Variants in TCF12 observed in about 807,000 individuals in gnomAD.
TCF12 encodes DNA-binding protein HTF4.
In TCF12, 45 loss-of-function variants were observed where a neutral mutation model predicts 86.0. That is an observed-to-expected ratio of 0.52 (90% confidence interval 0.41 to 0.67). TCF12 has a LOEUF of 0.67. Ranked by LOEUF, TCF12 falls within the 30% of genes least tolerant of loss-of-function variation. The pLI is 0.00. For missense variants in TCF12, 881 were observed against 859.9 expected, an observed-to-expected ratio of 1.02 and a Z score of -0.31; for synonymous variants, 330 against 299.6, an observed-to-expected ratio of 1.10 and a Z score of -1.05.
At chr15:56,954,174 G>A (rs2061403624) in intron 3 of TCF12, among the ~76,000 whole-genome samples, 1 of 151,874 alleles carries the variant, frequency 6.6e-6, no homozygotes, top group Admixed American at 6.6e-5. Context: ...GGGTTATTTA[G>A]AAGTGTGTTA....
chr15:56,919,800 C>T (rs114409025), intron 1 of TCF12, 92 bp from the exon 2 acceptor site: 2 of 1,166,270 alleles, frequency 1.7e-6, no homozygotes, highest in African/African-American at 1.5e-5. Flanking sequence ...GCCCCCAGCG[C>T]TCTTGCGTAA....
chr15:57,140,125 C>T (rs1451004908), intron 5 of TCF12, among the ~76,000 whole-genome samples: 1 of 152,108 alleles, frequency 6.6e-6, no homozygotes, highest in Non-Finnish European at 1.5e-5. Context: ...CAGCATTATT[C>T]CCAGTTAACC....
chr15:57,047,836 G>C (rs537536583), intron 3 of TCF12, among the ~76,000 whole-genome samples: 1 of 152,294 alleles, frequency 6.6e-6, no homozygotes, highest in East Asian at 1.9e-4. Flanking sequence ...ATCATAAAGA[G>C]TACAGTGCCT....
At chr15:57,017,630 A>C (rs184964707) in intron 3 of TCF12, among the ~76,000 whole-genome samples, 12 of 152,218 alleles carry the variant, frequency 7.9e-5, no homozygotes, top group African/African-American at 2.9e-4. Context: ...TAGGCATACA[A>C]AGATGTTCAG....
At chr15:56,961,638 A>G (rs1476544322) in intron 3 of TCF12, among the ~76,000 whole-genome samples, 2 of 152,232 alleles carry the variant, frequency 1.3e-5, no homozygotes, top group African/African-American at 4.8e-5. Context: ...CTCATGTTTC[A>G]AACTGCTGGT....
intron 3 of TCF12, among the ~76,000 whole-genome samples, chr15:56,938,750 T>G (rs2060597172): frequency 6.6e-6 from 1 of 151,878 alleles, no homozygotes; most frequent in Non-Finnish European, 1.5e-5. Context: ...TAAACTAACT[T>G]TCAAAGGCCC....
At chr15:57,199,930 G>A (rs2057451907) in intron 8 of TCF12, among the ~76,000 whole-genome samples, 1 of 151,954 alleles carries the variant, frequency 6.6e-6, no homozygotes, top group South Asian at 2.1e-4. Context: ...CACACAGGCT[G>A]GAGTGCAGTG....
chr15:57,041,844 C>T (rs1438508165), intron 3 of TCF12, among the ~76,000 whole-genome samples: 1 of 152,112 alleles, frequency 6.6e-6, no homozygotes, highest in African/African-American at 2.4e-5. Flanking sequence ...TTGTTAAAAT[C>T]CATTTGTTTA....
chr15:57,265,685 A>G (rs1366160703), intron 18 of TCF12, among the ~76,000 whole-genome samples: 7 of 152,220 alleles, frequency 4.6e-5, no homozygotes, highest in South Asian at 2.1e-4. Context: ...CAATTAACCT[A>G]TGATAAAACT....
At chr15:57,128,988 G>C (rs1280361490) in intron 5 of TCF12, among the ~76,000 whole-genome samples, 3 of 152,148 alleles carry the variant, frequency 2.0e-5, no homozygotes, top group Admixed American at 2.0e-4. Flanking sequence ...TAATATTGCT[G>C]TGTATTTGCT....
chr15:57,229,825 A>G (rs551114082), intron 8 of TCF12, among the ~76,000 whole-genome samples: 1 of 152,064 alleles, frequency 6.6e-6, no homozygotes, highest in Non-Finnish European at 1.5e-5. Context: ...ACCATTTTAC[A>G]AAAGAGGGAA....
At chr15:57,063,445 T>G (rs2068612611) in intron 3 of TCF12, among the ~76,000 whole-genome samples, 1 of 152,210 alleles carries the variant, frequency 6.6e-6, no homozygotes, top group African/African-American at 2.4e-5. Context: ...CATCTACTCC[T>G]AGAAGTAGCA....
chr15:57,132,689 A>G (rs1181919247), intron 5 of TCF12, among the ~76,000 whole-genome samples: 1 of 151,994 alleles, frequency 6.6e-6, no homozygotes, highest in Non-Finnish European at 1.5e-5. Context: ...AATGAAACCT[A>G]TTTTTCCTGA....
At position 57,098,983 on chromosome 15, in the gene TCF12, T is replaced by C. The variant is rs191504440; in HGVS notation, c.325+7092T>C. On this transcript the variant is annotated intron_variant, in intron 5 of 20. Transcript: ENST00000333725. ...GGAGTACAGTGTTCTGGTCTCTCCT[T>C]CTCTAGCTCCCTCACTCCAGTATTT... Among the ~76,000 whole-genome samples, 522 of 152,260 alleles carry C rather than the reference T, an allele frequency of 3.4e-3. 2 individuals carry two copies. Among genetic ancestry groups the C allele is most frequent in the Non-Finnish European group, 2.9e-3 (198 of 68,000 alleles).
chr15:57,059,129 G>A (rs183715227), intron 3 of TCF12, among the ~76,000 whole-genome samples: 1 of 152,176 alleles, frequency 6.6e-6, no homozygotes, highest in Non-Finnish European at 1.5e-5. Context: ...ATTTATGACA[G>A]TGCTGAGATT....
intron 3 of TCF12, among the ~76,000 whole-genome samples, chr15:57,060,417 A>G (rs1567339856): frequency 6.6e-6 from 1 of 152,216 alleles, no homozygotes; most frequent in African/African-American, 2.4e-5. Flanking sequence ...ATCTATATAA[A>G]AGGTTAACAA....
In TCF12 at chr15:56,990,151, C is replaced by CTTTT. The variant is rs372235874; in HGVS notation, c.148+69069_148+69072dup. ...CATTTATTTTTAGGCATAGTCTTGTCTTTTTTTTTTTTTTTTTTTGGTAAA... is the reference window on the plus strand; with the variant it reads ...CATTTATTTTTAGGCATAGTCTTGTCTTTTTTTTTTTTTTTTTTTTTTTGGTAAA... On this transcript the variant is annotated intron_variant, in intron 3 of 20. Transcript: ENST00000333725. 7.3e-3 allele frequency among the ~76,000 whole-genome samples: 679 copies of CTTTT among 92,692 alleles called. 20 individuals are homozygous for CTTTT. The highest frequency in any genetic ancestry group is 0.056 in the East Asian group (183 of 3,294). 60.8% of individuals were successfully genotyped at this position (92,692 alleles called of 152,430 possible).
intron 3 of TCF12, among the ~76,000 whole-genome samples, chr15:57,052,396 G>A (rs2067693163): frequency 2.0e-5 from 3 of 152,076 alleles, no homozygotes; most frequent in Admixed American, 6.5e-5. Context: ...TCAGCACTTT[G>A]GGAGGCAGAG....
intron 5 of TCF12, among the ~76,000 whole-genome samples, chr15:57,120,173 T>C (rs2051129526): frequency 6.6e-6 from 1 of 152,228 alleles, no homozygotes; most frequent in South Asian, 2.1e-4. Context: ...CGGATGTACA[T>C]TGGTAATGGA....
Sources: allele counts gnomAD v4.1 joint callset (sites outside exome capture counted in the v4.1 genomes callset), GRCh38; gene constraint gnomAD v4.1.1; transcripts MANE v1.5; gene names NCBI Gene and HGNC (gene_info 2026-07-23, HGNC 2026-07-21).